NLGN1: variants seen among roughly 807,000 people sequenced by gnomAD.
NLGN1 encodes neuroligin-1.
Under a neutral mutation model 65.5 loss-of-function variants are expected in NLGN1, and 12 were observed. The observed-to-expected ratio is 0.18, with a 90% CI of 0.12 to 0.30. NLGN1 has a LOEUF of 0.30. NLGN1 is among the 10% of genes least tolerant of loss of function. NLGN1 has a pLI of 1.00. For missense variants in NLGN1, 750 were observed against 1,007.1 expected (o/e 0.74, Z 3.46); for synonymous variants, 350 against 359.5 (o/e 0.97, Z 0.30).
intron 4 of NLGN1, among the ~76,000 whole-genome samples, chr3:174,164,956 G>A (rs777900137): frequency 6.6e-6 from 1 of 152,162 alleles, no homozygotes; most frequent in East Asian, 1.9e-4. Flanking sequence ...TCCAATCCAT[G>A]AGCATAGAAT....
At chr3:174,220,648 T>A (rs983541733) in intron 4 of NLGN1, among the ~76,000 whole-genome samples, 3 of 152,208 alleles carry the variant, frequency 2.0e-5, no homozygotes, top group African/African-American at 7.2e-5. Flanking sequence ...CATTTTTACA[T>A]TGATTACCTC....
At chr3:173,467,990 C>T (rs1377378872) in intron 2 of NLGN1, among the ~76,000 whole-genome samples, 1 of 152,062 alleles carries the variant, frequency 6.6e-6, no homozygotes, top group Non-Finnish European at 1.5e-5. Flanking sequence ...AGATCATAAG[C>T]CTGTTTGCCA....
At chr3:174,020,275 C>A (rs1372304737) in intron 4 of NLGN1, among the ~76,000 whole-genome samples, 1 of 151,990 alleles carries the variant, frequency 6.6e-6, no homozygotes, top group South Asian at 2.1e-4. Context: ...ATGAATATGA[C>A]ATAATTCTTT....
chr3:174,229,039 G>T (rs1740225504), intron 4 of NLGN1, among the ~76,000 whole-genome samples: 1 of 152,036 alleles, frequency 6.6e-6, no homozygotes, highest in Non-Finnish European at 1.5e-5. Context: ...AATTGCCTGG[G>T]TTTAATTTCC....
intron 2 of NLGN1, among the ~76,000 whole-genome samples, chr3:173,517,799 T>TATCTATCTATC (rs1553874141): frequency 6.6e-6 from 1 of 150,376 alleles, no homozygotes; most frequent in African/African-American, 2.4e-5. Flanking sequence ...TCTATCTATC[T>TATCTATCTATC]ATCATATCTA....
chr3:174,110,203 A>G (rs1714882126), intron 4 of NLGN1, among the ~76,000 whole-genome samples: 1 of 152,014 alleles, frequency 6.6e-6, no homozygotes, highest in Non-Finnish European at 1.5e-5. Flanking sequence ...CCTGATTTGT[A>G]GTTAATTCTC....
intron 4 of NLGN1, among the ~76,000 whole-genome samples, chr3:173,973,059 G>T (rs1716629639): frequency 6.6e-6 from 1 of 152,018 alleles, no homozygotes; most frequent in South Asian, 2.1e-4. Flanking sequence ...ACCTCTCCTT[G>T]TCTCAGTTTC....
chr3:174,234,676 T>C (rs1367321005), intron 4 of NLGN1, among the ~76,000 whole-genome samples: 2 of 152,166 alleles, frequency 1.3e-5, no homozygotes, highest in Non-Finnish European at 2.9e-5. Flanking sequence ...AACAACTGCC[T>C]ATCACCTGAT....
At chr3:173,985,362 A>G (rs543183743) in intron 4 of NLGN1, among the ~76,000 whole-genome samples, 86 of 152,258 alleles carry the variant, frequency 5.6e-4, no homozygotes, top group Middle Eastern at 6.8e-3. Context: ...TTCTCACTCC[A>G]TCCAGGCAAG....
exon 7 of NLGN1, chr3:174,286,370 C>T (rs1014351035): frequency 6.6e-6 from 1 of 151,388 alleles, no homozygotes; most frequent in African/African-American, 2.4e-5. Context: ...GGTACCGTAA[C>T]AAAAACTCAG....
intron 4 of NLGN1, among the ~76,000 whole-genome samples, chr3:174,210,398 A>G (rs1577371638): frequency 6.6e-6 from 1 of 152,356 alleles, no homozygotes; most frequent in East Asian, 1.9e-4. Context: ...TTTATACAAC[A>G]AATATTTGTT....
At chr3:174,185,358 T>C (rs527824509) in intron 4 of NLGN1, among the ~76,000 whole-genome samples, 8 of 152,288 alleles carry the variant, frequency 5.3e-5, no homozygotes, top group African/African-American at 1.9e-4. Flanking sequence ...ATATAATATC[T>C]GCACTGTCCA....
intron 4 of NLGN1, among the ~76,000 whole-genome samples, chr3:173,833,787 C>A (rs1723062369): frequency 1.3e-5 from 2 of 152,176 alleles, no homozygotes; most frequent in Admixed American, 1.3e-4. Flanking sequence ...AGGCATGAGC[C>A]ACCGCACCTG....
intron 2 of NLGN1, among the ~76,000 whole-genome samples, chr3:173,480,348 T>A (rs1477153644): frequency 6.6e-6 from 1 of 152,120 alleles, no homozygotes; most frequent in Non-Finnish European, 1.5e-5. Flanking sequence ...ATTGAAATTG[T>A]CCAACTCTCA....
At chr3:174,043,388 C>G (rs201991936) in intron 4 of NLGN1, among the ~76,000 whole-genome samples, 1 of 151,976 alleles carries the variant, frequency 6.6e-6, no homozygotes, top group Non-Finnish European at 1.5e-5. Flanking sequence ...TGAGACAAGG[C>G]AAGTCTTTTC....
At chr3:173,601,160 A>G (rs1299777059) in intron 2 of NLGN1, among the ~76,000 whole-genome samples, 1 of 151,998 alleles carries the variant, frequency 6.6e-6, no homozygotes, top group Non-Finnish European at 1.5e-5. Flanking sequence ...TTGATAGGCT[A>G]ATCTGTGGGT....
At chr3:173,912,916 A>G (rs1739918843) in intron 4 of NLGN1, among the ~76,000 whole-genome samples, 1 of 152,160 alleles carries the variant, frequency 6.6e-6, no homozygotes, top group South Asian at 2.1e-4. Context: ...AAGGTACTTC[A>G]CTGTCCTTTC....
At position 173,806,555 on chromosome 3, in the gene NLGN1, T is replaced by C. The variant is rs140906944; in HGVS notation, c.494-1125T>C. 9.5e-3 allele frequency among the ~76,000 whole-genome samples: 1,444 copies of C among 152,246 alleles called. 5 individuals carry two copies. The highest frequency in any genetic ancestry group is 0.013 in the Non-Finnish European group (909 of 67,980). The stretch of plus-strand genomic sequence containing the variant: ...GTGGGTATAAGAGATCATGGGCTAT[T>C]ACATAATAGTAATGTTTTCTTTATG... On this transcript the variant is annotated intron_variant, in intron 3 of 6. Transcript: ENST00000457714.
intron 3 of NLGN1, among the ~76,000 whole-genome samples, chr3:173,652,722 A>G (rs1759399473): frequency 6.6e-6 from 1 of 152,154 alleles, no homozygotes; most frequent in South Asian, 2.1e-4. Context: ...TGCTTTGGCT[A>G]TTCGAGCTCT....
Sources: gnomAD v4.1 joint callset for allele counts (sites outside exome capture counted in the v4.1 genomes callset) on GRCh38, gnomAD v4.1.1 for gene constraint, MANE v1.5 for transcripts, NCBI Gene and HGNC (gene_info 2026-07-23, HGNC 2026-07-21) for gene names.